Variants in LAMA2 observed in about 807,000 individuals in gnomAD.
LAMA2 encodes the protein laminin subunit alpha 2, also known as laminin subunit alpha-2.
A neutral mutation model predicts 364.8 loss-of-function variants in LAMA2; 269 were observed. The observed-to-expected ratio is 0.74, with a 90% CI of 0.67 to 0.82. The LOEUF is 0.82. Among genes scored for constraint, LAMA2 ranks in the 40% least tolerant of loss-of-function variants. The pLI is 0.00. For synonymous variants in LAMA2, 1,379 were observed against 1,370.6 expected (o/e 1.01, Z -0.14); for missense variants, 3,807 against 3,873.2 (o/e 0.98, Z 0.45).
intron 1 of LAMA2, among the ~76,000 whole-genome samples, chr6:129,035,605 A>G (rs1166620179): frequency 1.3e-5 from 2 of 148,924 alleles, no homozygotes; most frequent in African/African-American, 4.9e-5. Context: ...GTCGAGAATA[A>G]TTTTTCCTAG....
chr6:129,021,473 G>A (rs996749332), intron 1 of LAMA2, among the ~76,000 whole-genome samples: 16 of 152,176 alleles, frequency 1.1e-4, no homozygotes, highest in African/African-American at 3.6e-4. Flanking sequence ...TACAGAAAGT[G>A]CACATAATTC....
At position 129,334,525 on chromosome 6, in the gene LAMA2, C is replaced by T. The variant is rs541964886; in HGVS notation, c.4311+6113C>T. Among the ~76,000 whole-genome samples, 9 of 151,976 alleles carry T rather than the reference C, an allele frequency of 5.9e-5. No individual in the cohort carries two copies. The South Asian group carries it at 6.2e-4, about 11-fold the overall frequency. Reference sequence around the variant, plus strand: ...ATACACATTATCTACCATTTATAGTCGAAGAACCAATCAGTTGATAATTAA... The same window carrying T: ...ATACACATTATCTACCATTTATAGTTGAAGAACCAATCAGTTGATAATTAA... On this transcript the variant is annotated intron_variant, in intron 29 of 64. Coordinates refer to ENST00000421865, the MANE Select transcript of LAMA2 (RefSeq NM_000426.4).
chr6:129,514,947 GAATC>G (rs149697341), intron 64 of LAMA2, among the ~76,000 whole-genome samples: 116,487 of 151,572 alleles, frequency 0.77, 45,727 homozygotes, highest in Non-Finnish European at 0.86. Flanking sequence ...TATACCAGAG[GAATC>G]AATCATAAAA....
intron 4 of LAMA2, among the ~76,000 whole-genome samples, chr6:129,142,631 T>C (rs532299538): frequency 2.6e-5 from 4 of 152,024 alleles, no homozygotes; most frequent in Non-Finnish European, 5.9e-5. Context: ...AGAAGTGGAA[T>C]TGCTAGCTCA....
intron 32 of LAMA2, 117 bp downstream of exon 32, chr6:129,353,474 T>C: frequency 2.6e-6 from 2 of 782,012 alleles, no homozygotes; most frequent in Non-Finnish European, 4.3e-6. Flanking sequence ...GCAATAGTTA[T>C]ACTCTTCATT....
chr6:129,165,080 ACT>A (rs1161001804), intron 8 of LAMA2, among the ~76,000 whole-genome samples: 3 of 152,190 alleles, frequency 2.0e-5, no homozygotes, highest in African/African-American at 7.2e-5. Context: ...TAATTTTAAC[ACT>A]CTGATTTATA....
At chr6:129,119,549 A>ATTT (rs1554221032) in intron 4 of LAMA2, among the ~76,000 whole-genome samples, 1 of 151,080 alleles carries the variant, frequency 6.6e-6, no homozygotes, top group Non-Finnish European at 1.5e-5. Context: ...TAATTAATTA[A>ATTT]TTATTTATTT....
intron 61 of LAMA2, 48 bp from the exon 62 acceptor site, chr6:129,507,441 A>C (rs1786183039): frequency 6.2e-7 from 1 of 1,603,714 alleles, no homozygotes; most frequent in South Asian, 1.1e-5. Context: ...CATAAAGGCA[A>C]AGTTCTGCTA....
At chr6:129,043,632 C>T (rs1184360673) in intron 1 of LAMA2, among the ~76,000 whole-genome samples, 2 of 152,192 alleles carry the variant, frequency 1.3e-5, no homozygotes, top group African/African-American at 2.4e-5. Flanking sequence ...CCGTTGATTG[C>T]TTTTTCTCAT....
intron 1 of LAMA2, chr6:128,929,567 A>C: frequency 9.4e-7 from 1 of 1,059,626 alleles, no homozygotes; most frequent in Middle Eastern, 2.1e-4. Flanking sequence ...TAGTCATGAG[A>C]CTTGATCCTG....
rs377682366 is a variant in LAMA2, at chr6:129,507,682, G to C, written c.8857+40G>C. 1.5e-4 allele frequency: 243 copies of C among 1,594,000 alleles called. 3 individuals carry two copies. The African/African-American group carries it at 2.8e-3, about 18-fold the overall frequency. ...TTTCCTTCCTGTTGATTATTAACTA[G>C]ATACAAATACTAACTTCTTGCTAGT... On this transcript the variant is annotated intron_variant, in intron 62 of 64. Transcript: ENST00000421865.
chr6:128,929,285 A>T, intron 1 of LAMA2: 3 of 1,308,968 alleles, frequency 2.3e-6, no homozygotes, highest in Non-Finnish European at 3.3e-6. Context: ...ATTGATGCGG[A>T]TCCCTGCCCA....
At position 129,312,948 on chromosome 6, in the gene LAMA2, G is replaced by A. The variant is rs774501094; in HGVS notation, c.3262G>A (p.Ala1088Thr). 4 of 1,614,152 alleles carry A rather than the reference G, an allele frequency of 2.5e-6. No individual in the cohort carries two copies. The highest frequency in any genetic ancestry group is 3.4e-6 in the Non-Finnish European group (4 of 1,179,992). Residue 1088 changes from alanine (A) to threonine (T), a missense_variant, in exon 23 of 65, where the codon GCA becomes ACA. Ala to Thr is a moderately conservative substitution (Grantham distance 58, BLOSUM62 0). Around this residue, in one of 3 missense-constraint regions of LAMA2, gnomAD observed 3,333 missense variants for 3,345.7 expected, o/e 1.00. Transcript: ENST00000421865. ...QCNCHPKFSG[A>T]KCTECSRGHW... ...CAACTGTCATCCAAAATTCTCTGGTGCAAAATGTACAGAGTGCAGTCGAGG... is the reference window on the plus strand; with the variant it reads ...CAACTGTCATCCAAAATTCTCTGGTACAAAATGTACAGAGTGCAGTCGAGG...
At chr6:129,311,137 T>C (rs569188934) in intron 22 of LAMA2, among the ~76,000 whole-genome samples, 76 of 152,104 alleles carry the variant, frequency 5.0e-4, no homozygotes, top group African/African-American at 1.7e-3. Flanking sequence ...CTTTTTTTTT[T>C]TTTAGACAGA....
At chr6:129,456,567 G>A (rs1782974831) in intron 48 of LAMA2, 73 bp downstream of exon 48, 1 of 1,334,052 alleles carries the variant, frequency 7.5e-7, no homozygotes. Context: ...TCAGGAGAAG[G>A]TATGATAAAG....
chr6:129,121,254 C>T (rs1282867001), intron 4 of LAMA2, among the ~76,000 whole-genome samples: 2 of 152,112 alleles, frequency 1.3e-5, no homozygotes, highest in Non-Finnish European at 2.9e-5. Flanking sequence ...GGATGTTTGT[C>T]TACTAGACTT....
intron 12 of LAMA2, among the ~76,000 whole-genome samples, chr6:129,248,267 C>G (rs1169352168): frequency 1.3e-5 from 2 of 152,132 alleles, no homozygotes; most frequent in Admixed American, 1.3e-4. Flanking sequence ...TCCACGAAAC[C>G]CATGCCTGAT....
chr6:129,041,075 G>T (rs904821652), intron 1 of LAMA2, among the ~76,000 whole-genome samples: 2 of 152,146 alleles, frequency 1.3e-5, no homozygotes, highest in African/African-American at 4.8e-5. Flanking sequence ...TAAATTCTGG[G>T]TATATGTTTC....
chr6:128,961,343 A>ATATATC (rs1554335617), intron 1 of LAMA2, among the ~76,000 whole-genome samples: 1 of 63,104 alleles, frequency 1.6e-5, no homozygotes, highest in African/African-American at 5.7e-5. Flanking sequence ...ATATATATAT[A>ATATATC]TATATATATA....
Sources: allele counts gnomAD v4.1 joint callset (sites outside exome capture counted in the v4.1 genomes callset), GRCh38; gene constraint gnomAD v4.1.1; regional missense constraint gnomAD v4.1.1; transcripts MANE v1.5; gene names NCBI Gene and HGNC (gene_info 2026-07-23, HGNC 2026-07-21).